Variants in FKBP14 observed in about 807,000 individuals in gnomAD.
The protein encoded by FKBP14 is FKBP prolyl isomerase 14.
A neutral mutation model predicts 21.6 loss-of-function variants in FKBP14; 20 were observed. That is an observed-to-expected ratio of 0.92 (90% CI 0.65 to 1.34). FKBP14 has a LOEUF of 1.34. FKBP14 is among the 40% of genes most tolerant of loss of function. FKBP14 has a pLI of 0.00. For synonymous variants in FKBP14, 79 were observed against 86.7 expected, an observed-to-expected ratio of 0.91 and a Z score of 0.49; for missense variants, 253 against 249.0, an observed-to-expected ratio of 1.02 and a Z score of -0.11.
intron 3 of FKBP14, among the ~76,000 whole-genome samples, chr7:30,018,032 A>AATAC (rs1789939346): frequency 1.1e-5 from 1 of 90,580 alleles, no homozygotes; most frequent in Non-Finnish European, 2.7e-5. Context: ...TAAATAAATA[A>AATAC]ATAAATAAAT....
chr7:30,020,909 A>G (rs566237035), intron 2 of FKBP14, among the ~76,000 whole-genome samples: 11 of 152,346 alleles, frequency 7.2e-5, no homozygotes, highest in South Asian at 4.1e-4. Flanking sequence ...TTATCCTATG[A>G]ACAAGATTTG....
At position 30,011,513 on chromosome 7, in the gene FKBP14, A is replaced by G. The variant is rs1789725305; in HGVS notation, c.*3222T>C. On this transcript the variant is annotated 3_prime_UTR_variant, in exon 4 of 4. Transcript: ENST00000222803. ...AGTAAGTGCCCTATACAGGTATACC[A>G]TATATATATATATACACACACCATA... is the stretch of plus-strand genomic sequence containing the variant. The G allele has an allele frequency of 7.3e-6, 1 of 136,916 alleles. No homozygotes were observed. Among genetic ancestry groups the G allele is most frequent in the Non-Finnish European group, 1.6e-5 (1 of 63,706 alleles). The allele number at this position is 136,916 out of a possible 1,614,324, so 8.5% of individuals were successfully genotyped here.
Position 30,022,774 on chromosome 7 carries a change from G to A in FKBP14, c.240C>T (p.Gly80=). 1 of 1,614,086 alleles carries A rather than the reference G, an allele frequency of 6.2e-7. No individual in the cohort carries two copies. The highest frequency in any genetic ancestry group is 8.5e-7 in the Non-Finnish European group (1 of 1,179,998). Residue 80 remains glycine, a synonymous_variant, in exon 2 of 4, where the codon GGC becomes GGT. Transcript: ENST00000222803. The part of the protein sequence containing the change: ...NNGQPIWFTL[G]ILEALKGWDQ... ...CCCAACCTTTGAGAGCCTCCAGGAT[G>A]CCCAGGGTAAACCAAATGGGCTGAC... is the stretch of plus-strand genomic sequence containing the variant.
rs56003228 is a variant in FKBP14 at position 30,011,654 on chromosome 7, G to A, written c.*3081C>T. The stretch of plus-strand genomic sequence containing the variant: ...GAGTCACTCTGTCACCCAGGCTGGA[G>A]TGCAGTGGTATGATCATGGCTCACT... On this transcript the variant is annotated 3_prime_UTR_variant, in exon 4 of 4. Transcript: ENST00000222803. The A allele has an allele frequency of 0.019, 2,813 of 147,614 alleles. 42 individuals are homozygous for A. Among genetic ancestry groups the A allele is most frequent in the East Asian group, 0.039 (199 of 5,050 alleles). 9.1% of individuals were successfully genotyped at this position (147,614 alleles called of 1,614,324 possible).
At position 30,012,448 on chromosome 7, in the gene FKBP14, T is replaced by C. The variant is rs985815752; in HGVS notation, c.*2287A>G. On this transcript the variant is annotated 3_prime_UTR_variant, in exon 4 of 4. Coordinates refer to ENST00000222803, the MANE Select transcript of FKBP14 (RefSeq NM_017946.4). ...CTTTCCCTTCTCCCATCATAGAGTA[T>C]AAGGCTGTCTGTATTATGGCTTAAA... The C allele has an allele frequency of 1.3e-5, 2 of 152,248 alleles. No individual in the cohort carries two copies. Among genetic ancestry groups the C allele is most frequent in the Non-Finnish European group, 2.9e-5 (2 of 68,048 alleles). 9.4% of individuals were successfully genotyped at this position (152,248 alleles called of 1,614,324 possible). A position where few individuals can be genotyped will look rare whatever the true frequency, so the allele number is the denominator to read the frequency against.
chr7:30,022,910 G>A (rs777029191), intron 1 of FKBP14, 94 bp from the exon 2 acceptor site: 14 of 1,171,860 alleles, frequency 1.2e-5, no homozygotes, highest in African/African-American at 1.6e-5. Context: ...AAGTTTATTA[G>A]TTTAAAAATT....
intron 1 of FKBP14, among the ~76,000 whole-genome samples, chr7:30,023,711 AAGG>A (rs1316164556): frequency 6.6e-6 from 1 of 152,212 alleles, no homozygotes; most frequent in African/African-American, 2.4e-5. Flanking sequence ...GCGGAAGGCA[AAGG>A]AGGAGCAAAG....
intron 1 of FKBP14, among the ~76,000 whole-genome samples, chr7:30,025,976 T>C (rs1189577985): frequency 2.6e-5 from 4 of 151,876 alleles, no homozygotes; most frequent in Admixed American, 2.6e-4. Context: ...AGAAATGGAG[T>C]TTGAGATATG....
Position 30,013,725 on chromosome 7 carries a change from T to C in FKBP14, c.*1010A>G, listed in dbSNP as rs963272138. Reference sequence around the variant, plus strand: ...AATATAAATATAACTTTCTACCTCATCTATAACATATTGATACATTTTATT... The same window carrying C: ...AATATAAATATAACTTTCTACCTCACCTATAACATATTGATACATTTTATT... On this transcript the variant is annotated 3_prime_UTR_variant, in exon 4 of 4. Coordinates refer to ENST00000222803, the MANE Select transcript of FKBP14 (RefSeq NM_017946.4). 1 of 152,194 alleles carries C rather than the reference T, an allele frequency of 6.6e-6. No homozygotes were observed. Among genetic ancestry groups the C allele is most frequent in the African/African-American group, 2.4e-5 (1 of 41,452 alleles). The allele number at this position is 152,194 out of a possible 1,614,324, so 9.4% of individuals were successfully genotyped here. A position where few individuals can be genotyped will look rare whatever the true frequency, so the allele number is the denominator to read the frequency against.
rs1583738267 is a variant in FKBP14 at position 30,026,366 on chromosome 7, A to G, written c.143T>C (p.Met48Thr). Residue 48 changes from methionine to threonine, a missense_variant, in exon 1 of 4, where the codon ATG becomes ACG. Met to Thr is a moderately conservative substitution (Grantham distance 81, BLOSUM62 -1). Coordinates refer to ENST00000222803, the MANE Select transcript of FKBP14 (RefSeq NM_017946.4). ...TAAGTAGCCTTCATAGTGGACCAACATCAAATCCCCTCCTTTGGTCTTGCG... is the reference window on the plus strand; with the variant it reads ...TAAGTAGCCTTCATAGTGGACCAACGTCAAATCCCCTCCTTTGGTCTTGCG... The part of the protein sequence containing the change: ...CHRKTKGGDL[M>T]LVHYEGYLEK... 1 of 1,614,152 alleles carries G rather than the reference A, an allele frequency of 6.2e-7. No homozygotes were observed. The highest frequency in any genetic ancestry group is 1.1e-5 in the South Asian group (1 of 91,082).
downstream of FKBP14, among the ~76,000 whole-genome samples, chr7:30,007,622 C>A (rs1770704949): frequency 6.6e-6 from 1 of 152,158 alleles, no homozygotes; most frequent in South Asian, 2.1e-4. Context: ...TTCTGGAATA[C>A]ATAAAAGAAT....
At chr7:30,018,126 G>A (rs930844654) in intron 3 of FKBP14, among the ~76,000 whole-genome samples, 12 of 152,122 alleles carry the variant, frequency 7.9e-5, no homozygotes, top group Non-Finnish European at 1.5e-4. Flanking sequence ...TATCTTGGAT[G>A]GAAGAAAAAG....
At position 30,026,469 on chromosome 7, in the gene FKBP14, C is replaced by G; in HGVS notation, c.40G>C (p.Val14Leu). 3.7e-6 allele frequency: 6 copies of G among 1,613,922 alleles called. No homozygotes were observed. The highest frequency in any genetic ancestry group is 5.1e-6 in the Non-Finnish European group (6 of 1,179,926). ...FLWNAVLTLF[V>L]TSLIGALIPE... ...ATCAAAGCCCCAATCAAAGAAGTGA[C>G]GAACAGAGTCAAGACCGCGTTCCAC... Residue 14 changes from valine (V) to leucine (L), a missense_variant, in exon 1 of 4, where the codon GTC (valine) becomes CTC (leucine). Coordinates refer to ENST00000222803, the MANE Select transcript of FKBP14 (RefSeq NM_017946.4).
chr7:30,026,546 C>A lies in FKBP14; in HGVS notation c.-38G>T. On this transcript the variant is annotated 5_prime_UTR_variant, in exon 1 of 4. Transcript: ENST00000222803. ...AGGAAAGAAGTCCCTACAAAAGCAG[C>A]GAAAGGTCCCTCGACTTCATAGATT... is the stretch of plus-strand genomic sequence containing the variant. 1 of 1,567,348 alleles carries A rather than the reference C, an allele frequency of 6.4e-7. No individual in the cohort carries two copies. The highest frequency in any genetic ancestry group is 8.7e-7 in the Non-Finnish European group (1 of 1,155,846).
rs954661221 is a variant in FKBP14, at chr7:30,013,058, T to G, written c.*1677A>C. 6 of 151,988 alleles carry G rather than the reference T, an allele frequency of 3.9e-5. No individual in the cohort carries two copies. The highest frequency in any genetic ancestry group is 8.8e-5 in the Non-Finnish European group (6 of 68,026). 9.4% of individuals were successfully genotyped at this position (151,988 alleles called of 1,614,324 possible). A position where few individuals can be genotyped will look rare whatever the true frequency, so the allele number is the denominator to read the frequency against. On this transcript the variant is annotated 3_prime_UTR_variant, in exon 4 of 4. Transcript: ENST00000222803. ...CAGCTTGTTTTATGACTCAGAGCCA[T>G]GAAAAGCGAAGATAATAATGCACTT...
At chr7:30,025,564 G>T (rs1268848960) in intron 1 of FKBP14, 1 of 152,158 alleles carries the variant, frequency 6.6e-6, no homozygotes. Flanking sequence ...TTAACATCAA[G>T]GAAATGCTCA....
At chr7:30,016,507 C>CTT (rs1789889264) in intron 3 of FKBP14, among the ~76,000 whole-genome samples, 1 of 152,116 alleles carries the variant, frequency 6.6e-6, no homozygotes, top group Non-Finnish European at 1.5e-5. Flanking sequence ...GATTCACCTG[C>CTT]CTCAGACTCC....
rs1443743079 is a variant in FKBP14, at chr7:30,012,440, A to T, written c.*2295T>A. On this transcript the variant is annotated 3_prime_UTR_variant, in exon 4 of 4. Coordinates refer to ENST00000222803, the MANE Select transcript of FKBP14 (RefSeq NM_017946.4). ...ACAAACTACTTTCCCTTCTCCCATC[A>T]TAGAGTATAAGGCTGTCTGTATTAT... is the stretch of plus-strand genomic sequence containing the variant. 1 of 152,204 alleles carries T rather than the reference A, an allele frequency of 6.6e-6. No homozygotes were observed. The highest frequency in any genetic ancestry group is 1.5e-5 in the Non-Finnish European group (1 of 68,036). The allele number at this position is 152,204 out of a possible 1,614,324, so 9.4% of individuals were successfully genotyped here.
chr7:30,007,599 A>G, downstream of FKBP14, among the ~76,000 whole-genome samples: 1 of 152,176 alleles, frequency 6.6e-6, no homozygotes, highest in Non-Finnish European at 1.5e-5. Context: ...TAGTTGCCCC[A>G]ATGCACAATG....
Sources: allele counts gnomAD v4.1 joint callset (sites outside exome capture counted in the v4.1 genomes callset), GRCh38; gene constraint gnomAD v4.1.1; transcripts MANE v1.5; gene names NCBI Gene and HGNC (gene_info 2026-07-23, HGNC 2026-07-21).